TUBA4B: variants seen among roughly 807,000 people sequenced by gnomAD.
The protein encoded by TUBA4B is tubulin-like protein alpha-4B.
Under a neutral mutation model 18.4 loss-of-function variants are expected in TUBA4B, and 13 were observed. The ratio of observed to expected loss-of-function variants is 0.71; its 90% CI spans 0.46 to 1.12. The LOEUF (loss-of-function observed/expected upper bound fraction) is 1.12, where lower values mean the gene tolerates loss of function less well. Among genes scored for constraint, TUBA4B ranks in the 50% most tolerant of loss-of-function variants. TUBA4B has a pLI of 0.00. For synonymous variants in TUBA4B, 101 were observed against 99.1 expected (o/e 1.02, Z -0.11); for missense variants, 244 against 250.0 (o/e 0.98, Z 0.16).
Position 219,257,983 on chromosome 2 carries a change from GTTT to G in TUBA4B, c.12+4585_12+4587del, listed in dbSNP as rs1025891775. On this transcript the variant is annotated intron_variant, in intron 1 of 3. Transcript: ENST00000490341. ...ATGAGTCACCTGGCCCATTTTGGGTGTTTTTTTTTTTTTTTTTTTTTTTGAGAC... is the reference window on the plus strand; with the variant it reads ...ATGAGTCACCTGGCCCATTTTGGGTGTTTTTTTTTTTTTTTTTTTTGAGAC... Among the ~76,000 whole-genome samples, 409 of 94,178 alleles carry G rather than the reference GTTT, an allele frequency of 4.3e-3. 2 individuals are homozygous for G. Among genetic ancestry groups the G allele is most frequent in the East Asian group, 0.036 (119 of 3,332 alleles). 61.8% of individuals were successfully genotyped at this position (94,178 alleles called of 152,430 possible).
At chr2:219,268,387 G>A (rs540625605) in intron 2 of TUBA4B, among the ~76,000 whole-genome samples, 12 of 152,082 alleles carry the variant, frequency 7.9e-5, no homozygotes, top group South Asian at 2.1e-4. Context: ...GAGCCACTGC[G>A]CCCAGCCTCA....
intron 1 of TUBA4B, 145 bp downstream of exon 1, chr2:219,253,564 C>A: frequency 1.3e-6 from 1 of 772,748 alleles, no homozygotes; most frequent in Non-Finnish European, 2.2e-6. Context: ...GACTCTCATA[C>A]AGAGTCGGGA....
chr2:219,260,028 C>G (rs1168149367), intron 1 of TUBA4B, among the ~76,000 whole-genome samples: 1 of 152,204 alleles, frequency 6.6e-6, no homozygotes, highest in Admixed American at 6.5e-5. Flanking sequence ...CTTAGCCGCT[C>G]ACAGCAGCAT....
intron 1 of TUBA4B, chr2:219,254,409 C>T (rs1464825296): frequency 1.3e-5 from 2 of 152,490 alleles, no homozygotes; most frequent in Non-Finnish European, 1.5e-5. Flanking sequence ...CTGCCTGACG[C>T]TTCCTGGTCC....
chr2:219,258,397 T>G (rs1951737068), intron 1 of TUBA4B, among the ~76,000 whole-genome samples: 1 of 152,112 alleles, frequency 6.6e-6, no homozygotes, highest in Non-Finnish European at 1.5e-5. Flanking sequence ...CTTGGCTCGC[T>G]GCAACCTCCA....
At chr2:219,259,092 C>T (rs897549759) in intron 1 of TUBA4B, among the ~76,000 whole-genome samples, 3 of 151,124 alleles carry the variant, frequency 2.0e-5, no homozygotes, top group African/African-American at 7.3e-5. Context: ...ACCAGCCTGA[C>T]CAACATGGTG....
chr2:219,253,537 G>A (rs1951684014), intron 1 of TUBA4B, 118 bp downstream of exon 1: 2 of 890,790 alleles, frequency 2.2e-6, no homozygotes, highest in Non-Finnish European at 3.6e-6. Context: ...CGGAAAGGAC[G>A]GGGCGCGGGC....
intron 1 of TUBA4B, among the ~76,000 whole-genome samples, chr2:219,263,977 G>C (rs1171743727): frequency 6.6e-6 from 1 of 152,154 alleles, no homozygotes; most frequent in East Asian, 1.9e-4. Context: ...ACCTAGTCCT[G>C]GTTTTGGCTG....
Position 219,253,353 on chromosome 2 carries a change from A to AGG in TUBA4B, c.-55_-54insGG. ...CAGCTCAGACGCGGGGTGCTGAGTC[A>AGG]CGGGGGGGGGGTGGTTCTGTGGATA... On this transcript the variant is annotated 5_prime_UTR_variant, in exon 1 of 4. Coordinates refer to ENST00000490341, the MANE Select transcript of TUBA4B (RefSeq NM_001355221.1). 6.7e-7 allele frequency: 1 copy of AGG among 1,487,676 alleles called. No homozygotes were observed. The highest frequency in any genetic ancestry group is 9.0e-7 in the Non-Finnish European group (1 of 1,116,764). 92.2% of individuals were successfully genotyped at this position (1,487,676 alleles called of 1,614,324 possible).
chr2:219,259,566 T>G (rs1951747685), intron 1 of TUBA4B, among the ~76,000 whole-genome samples: 1 of 152,156 alleles, frequency 6.6e-6, no homozygotes, highest in South Asian at 2.1e-4. Flanking sequence ...TGAATTACTT[T>G]TCTAATTCAC....
intron 3 of TUBA4B, 30 bp downstream of exon 3, chr2:219,270,365 G>T (rs1275677326): frequency 1.4e-6 from 1 of 709,148 alleles, no homozygotes. Flanking sequence ...CTGGGGCAGG[G>T]GGAATGAATC....
intron 1 of TUBA4B, among the ~76,000 whole-genome samples, chr2:219,264,459 CAAAA>C (rs36027298): frequency 1.5e-4 from 12 of 78,814 alleles, no homozygotes; most frequent in Admixed American, 4.5e-4. Context: ...GGCCCTGTCT[CAAAA>C]AAAAAAAAAA....
At chr2:219,262,341 A>G (rs573459184) in intron 1 of TUBA4B, among the ~76,000 whole-genome samples, 1 of 152,282 alleles carries the variant, frequency 6.6e-6, no homozygotes, top group South Asian at 2.1e-4. Context: ...ACAAAACAAA[A>G]CAAAACAAAT....
At chr2:219,267,765 A>C (rs1385344382) in intron 2 of TUBA4B, among the ~76,000 whole-genome samples, 1 of 152,088 alleles carries the variant, frequency 6.6e-6, no homozygotes, top group African/African-American at 2.4e-5. Context: ...AGGTTTCACT[A>C]TGTTGGCCAG....
intron 1 of TUBA4B, among the ~76,000 whole-genome samples, chr2:219,265,609 C>A (rs1951785084): frequency 6.6e-6 from 1 of 152,006 alleles, no homozygotes; most frequent in Non-Finnish European, 1.5e-5. Context: ...TGCACTCCAG[C>A]CTGGGCAACA....
chr2:219,253,295 C>T lies in TUBA4B; in HGVS notation c.-113C>T. On this transcript the variant is annotated 5_prime_UTR_variant, in exon 1 of 4. Coordinates refer to ENST00000490341, the MANE Select transcript of TUBA4B (RefSeq NM_001355221.1). ...TCGGCTGGAGAGGGCCAGCTCGCTTCAGGAGGCCGAACCCCGTTCCCACCA... is the reference window on the plus strand; with the variant it reads ...TCGGCTGGAGAGGGCCAGCTCGCTTTAGGAGGCCGAACCCCGTTCCCACCA... 1 of 1,512,832 alleles carries T rather than the reference C, an allele frequency of 6.6e-7. No individual in the cohort carries two copies. Among genetic ancestry groups the T allele is most frequent in the Non-Finnish European group, 8.8e-7 (1 of 1,133,094 alleles). 93.7% of individuals were successfully genotyped at this position (1,512,832 alleles called of 1,614,324 possible).
chr2:219,272,112 T>A lies in TUBA4B; in HGVS notation c.*413T>A. 1 of 841,766 alleles carries A rather than the reference T, an allele frequency of 1.2e-6. No homozygotes were observed. Among genetic ancestry groups the A allele is most frequent in the East Asian group, 4.2e-5 (1 of 23,992 alleles). The allele number at this position is 841,766 out of a possible 1,614,324, so 52.1% of individuals were successfully genotyped here. A position where few individuals can be genotyped will look rare whatever the true frequency, so the allele number is the denominator to read the frequency against. On this transcript the variant is annotated 3_prime_UTR_variant, in exon 4 of 4. Transcript: ENST00000490341. Reference sequence around the variant, plus strand: ...GGAGGTGGGCATGGATAGTGTGGAGTGGGGGGAAGAAAAGATAGGGGGGAT... The same window carrying A: ...GGAGGTGGGCATGGATAGTGTGGAGAGGGGGGAAGAAAAGATAGGGGGGAT...
At chr2:219,259,493 C>T (rs1458012633) in intron 1 of TUBA4B, among the ~76,000 whole-genome samples, 3 of 152,038 alleles carry the variant, frequency 2.0e-5, no homozygotes, top group African/African-American at 4.8e-5. Context: ...GTCCATTTTA[C>T]CAGATCAAAA....
chr2:219,256,636 C>T (rs1469865652), intron 1 of TUBA4B, among the ~76,000 whole-genome samples: 2 of 152,112 alleles, frequency 1.3e-5, no homozygotes, highest in Admixed American at 1.3e-4. Context: ...CCCAGGTAGG[C>T]CCAGTGTAAT....
Sources: allele counts gnomAD v4.1 joint callset (sites outside exome capture counted in the v4.1 genomes callset), GRCh38; gene constraint gnomAD v4.1.1; transcripts MANE v1.5; gene names NCBI Gene and HGNC (gene_info 2026-07-23, HGNC 2026-07-21).